The following GRM7 variants were observed in gnomAD, a reference collection of about 807,000 sequenced individuals.
GRM7 encodes the protein glutamate metabotropic receptor 7.
In GRM7, 35 loss-of-function variants were observed where a neutral mutation model predicts 84.5. That is an observed-to-expected ratio of 0.41 (90% confidence interval 0.32 to 0.55). GRM7 has a LOEUF of 0.55. Among genes scored for constraint, GRM7 ranks in the 20% least tolerant of loss-of-function variants. GRM7 has a pLI of 0.19. For missense variants in GRM7, 1,003 were observed against 1,194.6 expected (o/e 0.84, Z 2.36); for synonymous variants, 487 against 455.1 (o/e 1.07, Z -0.89).
At chr3:7,096,673 T>TGAG (rs1385617994) in intron 1 of GRM7, among the ~76,000 whole-genome samples, 1 of 152,136 alleles carries the variant, frequency 6.6e-6, no homozygotes, top group Non-Finnish European at 1.5e-5. Flanking sequence ...TTGTCCCCTC[T>TGAG]GAGGAGGTCA....
intron 2 of GRM7, among the ~76,000 whole-genome samples, chr3:7,221,889 C>T (rs1386213289): frequency 2.0e-5 from 3 of 149,090 alleles, no homozygotes; most frequent in Non-Finnish European, 4.4e-5. Context: ...TCACTGCAAC[C>T]TCTGCCTCCC....
At chr3:7,099,518 ATATG>A (rs1699009971) in intron 1 of GRM7, among the ~76,000 whole-genome samples, 1 of 148,178 alleles carries the variant, frequency 6.7e-6, no homozygotes, top group Non-Finnish European at 1.5e-5. Flanking sequence ...ACATATATGT[ATATG>A]TACACGCATT....
chr3:7,192,145 G>T (rs1399143144), intron 2 of GRM7, among the ~76,000 whole-genome samples: 2 of 152,100 alleles, frequency 1.3e-5, no homozygotes, highest in Non-Finnish European at 2.9e-5. Context: ...AAACTGCTCT[G>T]GGTCCGTGGT....
At chr3:7,080,824 T>TA (rs1393551988) in intron 1 of GRM7, among the ~76,000 whole-genome samples, 4 of 152,102 alleles carry the variant, frequency 2.6e-5, no homozygotes, top group Non-Finnish European at 5.9e-5. Context: ...AAGGACTTTT[T>TA]AAAAAAATCA....
chr3:7,504,663 C>T (rs993895493), intron 7 of GRM7, among the ~76,000 whole-genome samples: 4 of 152,074 alleles, frequency 2.6e-5, no homozygotes, highest in African/African-American at 7.2e-5. Flanking sequence ...GGCACTCCCA[C>T]GATAATGAAT....
chr3:7,211,042 A>G (rs1696408058), intron 2 of GRM7, among the ~76,000 whole-genome samples: 1 of 152,210 alleles, frequency 6.6e-6, no homozygotes, highest in African/African-American at 2.4e-5. Flanking sequence ...ATAAATAAAT[A>G]ACCAACCAAC....
At chr3:7,706,778 G>A (rs538535039) in intron 9 of GRM7, among the ~76,000 whole-genome samples, 1 of 152,224 alleles carries the variant, frequency 6.6e-6, no homozygotes, top group Non-Finnish European at 1.5e-5. Context: ...CTATGTGGTT[G>A]AACTCAGTCT....
At chr3:7,684,567 C>A (rs1700505218) in intron 9 of GRM7, among the ~76,000 whole-genome samples, 1 of 152,174 alleles carries the variant, frequency 6.6e-6, no homozygotes, top group South Asian at 2.1e-4. Flanking sequence ...TACATGTCTA[C>A]ATAAAAATGA....
chr3:7,183,957 A>G (rs551805230), intron 2 of GRM7, among the ~76,000 whole-genome samples: 2 of 152,326 alleles, frequency 1.3e-5, no homozygotes, highest in East Asian at 3.9e-4. Context: ...GATACTTTGA[A>G]GACAAAGTAT....
rs529637560 is a variant in GRM7 at position 7,308,634 on chromosome 3, C to T, written c.1033+1982C>T. 3.7e-4 allele frequency among the ~76,000 whole-genome samples: 56 copies of T among 152,170 alleles called. 4 individuals carry two copies. Among genetic ancestry groups the T allele is most frequent in the Non-Finnish European group, 5.7e-4 (39 of 68,014 alleles). On this transcript the variant is annotated intron_variant, in intron 4 of 9. Transcript: ENST00000357716. ...TTATGCTGAAAATCTGAAGAGCATCCGCATGTGTGAGATGTGATTGTGGTG... is the reference window on the plus strand; with the variant it reads ...TTATGCTGAAAATCTGAAGAGCATCTGCATGTGTGAGATGTGATTGTGGTG...
At chr3:7,105,385 C>T (rs1358277613) in intron 1 of GRM7, among the ~76,000 whole-genome samples, 1 of 151,816 alleles carries the variant, frequency 6.6e-6, no homozygotes, top group Admixed American at 6.6e-5. Context: ...AGAAGCTTTG[C>T]CTATTGTTAA....
At chr3:7,387,084 T>G (rs565376963) in intron 4 of GRM7, among the ~76,000 whole-genome samples, 1 of 152,316 alleles carries the variant, frequency 6.6e-6, no homozygotes, top group Middle Eastern at 3.4e-3. Context: ...AAACAGACAT[T>G]TCTCAAAAGA....
At chr3:6,993,686 C>T (rs1359738550) in intron 1 of GRM7, among the ~76,000 whole-genome samples, 2 of 152,256 alleles carry the variant, frequency 1.3e-5, no homozygotes, top group Middle Eastern at 3.4e-3. Context: ...CATATTGCAG[C>T]ATTCAAGCTA....
intron 9 of GRM7, among the ~76,000 whole-genome samples, chr3:7,705,678 A>C (rs1342199751): frequency 6.6e-6 from 1 of 152,218 alleles, no homozygotes; most frequent in African/African-American, 2.4e-5. Flanking sequence ...GGAGTATGGT[A>C]AATGTAAAAG....
chr3:7,699,490 A>G (rs558597907), intron 9 of GRM7, among the ~76,000 whole-genome samples: 2 of 152,222 alleles, frequency 1.3e-5, no homozygotes, highest in Non-Finnish European at 2.9e-5. Context: ...AGTTACTTTT[A>G]TGAAACAATT....
At chr3:7,492,119 C>G (rs538950217) in intron 7 of GRM7, among the ~76,000 whole-genome samples, 1 of 152,050 alleles carries the variant, frequency 6.6e-6, no homozygotes, top group Non-Finnish European at 1.5e-5. Flanking sequence ...TACAAATATG[C>G]GCTGAGGATT....
intron 4 of GRM7, among the ~76,000 whole-genome samples, chr3:7,339,552 C>G (rs73113710): frequency 0.039 from 5,933 of 152,154 alleles, 240 homozygotes; most frequent in African/African-American, 0.1. Context: ...TGGCCTCCTA[C>G]GACCTCTGAG....
intron 7 of GRM7, among the ~76,000 whole-genome samples, chr3:7,471,741 A>G (rs183530626): frequency 6.6e-6 from 1 of 152,324 alleles, no homozygotes; most frequent in Admixed American, 6.5e-5. Context: ...TATAGGTTCC[A>G]AAAATTAGAA....
chr3:7,150,084 T>TGA (rs1255034939), intron 2 of GRM7, among the ~76,000 whole-genome samples: 33 of 145,846 alleles, frequency 2.3e-4, no homozygotes, highest in South Asian at 8.9e-4. Flanking sequence ...TGTGTGTGTG[T>TGA]GTGAGAGAGA....
Sources: allele counts gnomAD v4.1 joint callset (sites outside exome capture counted in the v4.1 genomes callset), GRCh38; gene constraint gnomAD v4.1.1; transcripts MANE v1.5; gene names NCBI Gene and HGNC (gene_info 2026-07-23, HGNC 2026-07-21).